The following RAP1GDS1 variants were observed in gnomAD, a reference collection of about 807,000 sequenced individuals.
RAP1GDS1 encodes RAP1, GTP-GDP dissociation stimulator 1.
A neutral mutation model predicts 71.1 loss-of-function variants in RAP1GDS1; 35 were observed. The observed-to-expected ratio is 0.49, with a 90% confidence interval of 0.38 to 0.65. RAP1GDS1 has a LOEUF of 0.65. RAP1GDS1 is among the 30% of genes least tolerant of loss of function. RAP1GDS1 has a pLI of 0.00. For synonymous variants in RAP1GDS1, 229 were observed against 243.1 expected (o/e 0.94, Z 0.54); for missense variants, 663 against 706.1 (o/e 0.94, Z 0.69).
intron 2 of RAP1GDS1, among the ~76,000 whole-genome samples, chr4:98,322,081 C>G (rs1223280008): frequency 1.2e-5 from 1 of 84,232 alleles, no homozygotes; most frequent in African/African-American, 4.8e-5. Context: ...GAAGATCTAC[C>G]AAGCAAATGG....
chr4:98,263,954 T>C (rs767204846), intron 1 of RAP1GDS1, among the ~76,000 whole-genome samples: 3 of 152,194 alleles, frequency 2.0e-5, no homozygotes, highest in Non-Finnish European at 4.4e-5. Flanking sequence ...TAGGTACATA[T>C]GATAATTTAA....
intron 5 of RAP1GDS1, among the ~76,000 whole-genome samples, chr4:98,381,713 A>G (rs867547869): frequency 2.0e-5 from 3 of 151,748 alleles, no homozygotes; most frequent in South Asian, 4.1e-4. Context: ...ATTGAGTGAC[A>G]AATAGCTTTT....
chr4:98,379,004 CTT>C lies in RAP1GDS1; in HGVS notation c.362-11_362-10del. On this transcript the variant is annotated splice_polypyrimidine_tract_variant and intron_variant, in intron 4 of 14. Transcript: ENST00000408927. ...TTTTTCTTTTATTTTTAATTTAACT[CTT>C]TGTTTTACAGATGAGGGCAGAAGTG... 3 of 1,559,736 alleles carry C rather than the reference CTT, an allele frequency of 1.9e-6. No homozygotes were observed. Among genetic ancestry groups the C allele is most frequent in the South Asian group, 1.2e-5 (1 of 81,640 alleles).
intron 7 of RAP1GDS1, among the ~76,000 whole-genome samples, chr4:98,413,789 C>T (rs892877740): frequency 5.3e-5 from 8 of 152,088 alleles, no homozygotes; most frequent in Non-Finnish European, 1.0e-4. Context: ...CCTGAGGAAT[C>T]GCCACACTGA....
chr4:98,343,348 A>G (rs145082888), intron 3 of RAP1GDS1, 87 bp downstream of exon 3: 1 of 1,432,630 alleles, frequency 7.0e-7, no homozygotes, highest in East Asian at 2.4e-5. Context: ...TTTATGTTTT[A>G]ATTTTGTAGA....
chr4:98,263,725 G>GCCACC (rs1487460734), intron 1 of RAP1GDS1, among the ~76,000 whole-genome samples: 8 of 152,144 alleles, frequency 5.3e-5, no homozygotes, highest in Admixed American at 1.3e-4. Flanking sequence ...TGAACTTAAA[G>GCCACC]CCACCTATTA....
intron 2 of RAP1GDS1, among the ~76,000 whole-genome samples, chr4:98,320,370 G>A (rs949570035): frequency 6.6e-6 from 1 of 152,168 alleles, no homozygotes; most frequent in Non-Finnish European, 1.5e-5. Context: ...AGAGTATCTG[G>A]AGAAGAGCTG....
intron 4 of RAP1GDS1, among the ~76,000 whole-genome samples, chr4:98,356,832 A>G (rs1432208980): frequency 6.6e-6 from 1 of 151,992 alleles, no homozygotes; most frequent in East Asian, 1.9e-4. Flanking sequence ...GTGTTTATGA[A>G]GTGAAATATT....
chr4:98,355,088 G>A (rs1229183262), intron 4 of RAP1GDS1, among the ~76,000 whole-genome samples: 1 of 152,132 alleles, frequency 6.6e-6, no homozygotes, highest in East Asian at 1.9e-4. Context: ...TAAAAGCCTT[G>A]TAAATGTGAT....
chr4:98,349,722 T>G (rs1422660494), intron 3 of RAP1GDS1, among the ~76,000 whole-genome samples: 2 of 152,210 alleles, frequency 1.3e-5, no homozygotes, highest in Admixed American at 6.5e-5. Context: ...TTATTCTCTT[T>G]GAAGCAATTG....
chr4:98,281,882 A>G (rs1191307324), intron 1 of RAP1GDS1, among the ~76,000 whole-genome samples: 1 of 152,048 alleles, frequency 6.6e-6, no homozygotes, highest in East Asian at 1.9e-4. Flanking sequence ...GGTTTTTGTC[A>G]TTGGTTCTGT....
chr4:98,398,176 T>G (rs1349714656), intron 6 of RAP1GDS1, among the ~76,000 whole-genome samples: 1 of 150,444 alleles, frequency 6.6e-6, no homozygotes, highest in Non-Finnish European at 1.5e-5. Context: ...GCATTAAGAA[T>G]AATTGCTAAG....
At chr4:98,333,603 A>T (rs527545977) in intron 2 of RAP1GDS1, among the ~76,000 whole-genome samples, 30 of 152,196 alleles carry the variant, frequency 2.0e-4, no homozygotes, top group African/African-American at 6.7e-4. Flanking sequence ...TTAATTTAAC[A>T]TAACAGTGGG....
intron 12 of RAP1GDS1, among the ~76,000 whole-genome samples, chr4:98,427,696 C>T (rs1188223137): frequency 6.6e-6 from 1 of 152,074 alleles, no homozygotes; most frequent in Non-Finnish European, 1.5e-5. Context: ...CTACAAAACA[C>T]TGCTAAAGAA....
Position 98,343,767 on chromosome 4 carries a change from TA to T in RAP1GDS1, c.235+508del, listed in dbSNP as rs368249678. Among the ~76,000 whole-genome samples, 752 of 152,278 alleles carry T rather than the reference TA, an allele frequency of 4.9e-3. 7 individuals carry two copies. The highest frequency in any genetic ancestry group is 0.018 in the South Asian group (86 of 4,826). ...ATGTAAGAATACTCTGGAAAAACAA[TA>T]ATGACAACAAAGTTTAGATTGTGTA... On this transcript the variant is annotated intron_variant, in intron 3 of 14. Transcript: ENST00000408927.
chr4:98,443,626 C>A lies in RAP1GDS1; in HGVS notation c.*1509C>A, dbSNP rs1752130683. 1 of 214,004 alleles carries A rather than the reference C, an allele frequency of 4.7e-6. No individual in the cohort carries two copies. 13.3% of individuals were successfully genotyped at this position (214,004 alleles called of 1,614,324 possible). On this transcript the variant is annotated 3_prime_UTR_variant, in exon 15 of 15. Coordinates refer to ENST00000408927, the MANE Select transcript of RAP1GDS1 (RefSeq NM_001100427.2). Reference sequence around the variant, plus strand: ...TTTTGACTCTAAAACAGCTATAATCCAAGAAAGTTAAATTCTAATGGAGGT... The same window carrying A: ...TTTTGACTCTAAAACAGCTATAATCAAAGAAAGTTAAATTCTAATGGAGGT...
At chr4:98,310,646 G>C (rs1038253700) in intron 2 of RAP1GDS1, among the ~76,000 whole-genome samples, 1 of 152,074 alleles carries the variant, frequency 6.6e-6, no homozygotes, top group African/African-American at 2.4e-5. Flanking sequence ...GAATTACTCT[G>C]ATAATATGCA....
intron 1 of RAP1GDS1, among the ~76,000 whole-genome samples, chr4:98,284,620 T>C (rs987077191): frequency 3.3e-5 from 5 of 152,288 alleles, no homozygotes; most frequent in Middle Eastern, 3.4e-3. Context: ...TGGGGTCTAA[T>C]TCTCCTATTG....
chr4:98,304,131 A>G (rs1728973283), intron 2 of RAP1GDS1, among the ~76,000 whole-genome samples: 3 of 151,926 alleles, frequency 2.0e-5, no homozygotes. Flanking sequence ...TGTCTTTGCT[A>G]TTGTGAACAG....
Sources: allele counts gnomAD v4.1 joint callset (sites outside exome capture counted in the v4.1 genomes callset), GRCh38; gene constraint gnomAD v4.1.1; transcripts MANE v1.5; gene names NCBI Gene and HGNC (gene_info 2026-07-23, HGNC 2026-07-21).